LRP5: variants seen among roughly 807,000 people sequenced by gnomAD.
LRP5 encodes the protein LDL receptor related protein 5.
LRP5 carries 62 observed loss-of-function variants against 154.1 expected under a neutral mutation model. The ratio of observed to expected loss-of-function variants is 0.40; its 90% CI spans 0.33 to 0.50. The LOEUF is 0.50. LRP5 is among the 20% of genes least tolerant of loss of function. The pLI, the probability that LRP5 is intolerant of heterozygous loss-of-function variation, is 0.55. For missense variants in LRP5, 1,915 were observed against 2,336.7 expected, an observed-to-expected ratio of 0.82 and a Z score of 3.72; for synonymous variants, 966 against 1,011.5, an observed-to-expected ratio of 0.96 and a Z score of 0.85.
At chr11:68,364,356 A>ATGTGTGTGTGTGTGTG (rs201962983) in intron 4 of LRP5, among the ~76,000 whole-genome samples, 25 of 127,378 alleles carry the variant, frequency 2.0e-4, no homozygotes, top group Non-Finnish European at 3.9e-4. Context: ...ATATACATAT[A>ATGTGTGTGTGTGTGTG]TATGTGTGTG....
intron 16 of LRP5, among the ~76,000 whole-genome samples, chr11:68,427,309 C>T (rs1378433765): frequency 6.6e-6 from 1 of 152,114 alleles, no homozygotes; most frequent in African/African-American, 2.4e-5. Context: ...TCCTCCCCTC[C>T]ATGGTAACCA....
intron 1 of LRP5, among the ~76,000 whole-genome samples, chr11:68,324,300 C>T (rs537821457): frequency 6.6e-6 from 1 of 152,346 alleles, no homozygotes; most frequent in East Asian, 1.9e-4. Context: ...ATCCCCGGGA[C>T]CTAGTGGGGT....
Position 68,379,163 on chromosome 11 carries a change from C to T in LRP5, c.1016-7153C>T, listed in dbSNP as rs534675197. Reference sequence around the variant, plus strand: ...TTTCATTTATCGTTCATGCAAATTCCGACATCATTCACTCTTCTCCAGAGT... The same window carrying T: ...TTTCATTTATCGTTCATGCAAATTCTGACATCATTCACTCTTCTCCAGAGT... On this transcript the variant is annotated intron_variant, in intron 5 of 22. Transcript: ENST00000294304. Among the ~76,000 whole-genome samples the T allele has an allele frequency of 1.3e-4, 20 of 152,248 alleles. No individual in the cohort carries two copies. In the South Asian group the frequency reaches 1.7e-3, roughly 13 times the overall value.
At chr11:68,405,563 A>G (rs2098655155) in intron 8 of LRP5, among the ~76,000 whole-genome samples, 1 of 151,980 alleles carries the variant, frequency 6.6e-6, no homozygotes, top group South Asian at 2.1e-4. Context: ...TAAACCCCAG[A>G]GATAAGACAA....
At chr11:68,420,801 A>G (rs998495454) in intron 13 of LRP5, among the ~76,000 whole-genome samples, 2 of 152,148 alleles carry the variant, frequency 1.3e-5, no homozygotes, top group Non-Finnish European at 2.9e-5. Flanking sequence ...GTTGTCGTGA[A>G]TAAGGCCACT....
Position 68,416,439 on chromosome 11 carries a change from A to G in LRP5, c.2939A>G (p.Lys980Arg), listed in dbSNP as rs2098662588. 2 of 1,614,170 alleles carry G rather than the reference A, an allele frequency of 1.2e-6. No individual in the cohort carries two copies. Among genetic ancestry groups the G allele is most frequent in the Non-Finnish European group, 1.7e-6 (2 of 1,180,020 alleles). ...ILPLHGLRNV[K>R]AIDYDPLDKF... ...CCCCTGCATGGACTGAGGAACGTCA[A>G]AGCCATCGACTATGACCCACTGGAC... Residue 980 changes from lysine to arginine, a missense_variant, in exon 13 of 23, where the codon AAA (lysine) becomes AGA (arginine). Physicochemically the swap from Lys to Arg is conservative, Grantham distance 26. Transcript: ENST00000294304.
At chr11:68,349,636 C>T (rs1182522738) in intron 2 of LRP5, among the ~76,000 whole-genome samples, 3 of 152,154 alleles carry the variant, frequency 2.0e-5, no homozygotes, top group South Asian at 4.1e-4. Flanking sequence ...AGGCTCAGGG[C>T]CTGGCCGTGA....
rs2098669896 is a variant in LRP5, at chr11:68,428,109, C to T, written c.3638-1466C>T. Reference sequence around the variant, plus strand: ...CCAGGTTCAAGTGATTCTCCTACCTCAGCCTTCCAAGTAACTGGGATTACA... The same window carrying T: ...CCAGGTTCAAGTGATTCTCCTACCTTAGCCTTCCAAGTAACTGGGATTACA... On this transcript the variant is annotated intron_variant, in intron 16 of 22. Coordinates refer to ENST00000294304, the MANE Select transcript of LRP5 (RefSeq NM_002335.4). Among the ~76,000 whole-genome samples the T allele has an allele frequency of 2.0e-5, 3 of 151,850 alleles. No homozygotes were observed. In the South Asian group the frequency reaches 6.2e-4, roughly 32 times the overall value.
chr11:68,445,812 C>T (rs578164258), intron 21 of LRP5: 23 of 497,846 alleles, frequency 4.6e-5, no homozygotes, highest in Non-Finnish European at 6.9e-5. Context: ...TTACTATCCC[C>T]GCTTTGGGGC....
intron 18 of LRP5, among the ~76,000 whole-genome samples, chr11:68,435,887 G>A (rs977251625): frequency 2.0e-5 from 3 of 152,056 alleles, no homozygotes; most frequent in African/African-American, 7.2e-5. Context: ...CACCACACCC[G>A]GCTAATTTTT....
chr11:68,440,840 C>T (rs1183395856), intron 21 of LRP5, among the ~76,000 whole-genome samples: 1 of 151,978 alleles, frequency 6.6e-6, no homozygotes, highest in Non-Finnish European at 1.5e-5. Context: ...GATCTCTAGG[C>T]TCACCGCAAC....
At chr11:68,374,553 C>T (rs142290130) in intron 5 of LRP5, among the ~76,000 whole-genome samples, 6 of 152,274 alleles carry the variant, frequency 3.9e-5, no homozygotes, top group East Asian at 3.9e-4. Flanking sequence ...GGCAATAAAA[C>T]GCACACATTT....
chr11:68,381,731 A>G (rs902057686), intron 5 of LRP5, among the ~76,000 whole-genome samples: 8 of 152,232 alleles, frequency 5.3e-5, no homozygotes, highest in African/African-American at 1.7e-4. Flanking sequence ...ATAAATTCCT[A>G]CCAAGACTCT....
At chr11:68,411,311 G>T (rs78943283) in intron 10 of LRP5, 125 bp from the exon 11 acceptor site, 1 of 987,584 alleles carries the variant, frequency 1.0e-6, no homozygotes, top group Non-Finnish European at 1.5e-6. Flanking sequence ...CTTCCTGCGC[G>T]TGGCTTTCTC....
At chr11:68,375,612 TC>T (rs1211228941) in intron 5 of LRP5, among the ~76,000 whole-genome samples, 1 of 152,174 alleles carries the variant, frequency 6.6e-6, no homozygotes, top group Non-Finnish European at 1.5e-5. Flanking sequence ...GGGAGCTTCT[TC>T]CTCTTCCTGT....
the LRP5 span, among the ~76,000 whole-genome samples, chr11:68,298,774 G>T: frequency 6.6e-6 from 1 of 152,072 alleles, no homozygotes; most frequent in South Asian, 2.1e-4. Context: ...TCCCACGCTT[G>T]CCCTCAGCCA....
chr11:68,312,401 C>A (rs1021638063), upstream of LRP5, among the ~76,000 whole-genome samples: 1 of 150,932 alleles, frequency 6.6e-6, no homozygotes, highest in Non-Finnish European at 1.5e-5. Context: ...CCCGGAGGCA[C>A]CTCCAGGGCA....
rs150134213 is a variant in LRP5 at position 68,369,304 on chromosome 11, G to A, written c.1015+3602G>A. Reference sequence around the variant, plus strand: ...CTGGCCACTGGAGTTAGAGGGAGCAGGGCCTGGTGTCTGTTGCCACCATCG... The same window carrying A: ...CTGGCCACTGGAGTTAGAGGGAGCAAGGCCTGGTGTCTGTTGCCACCATCG... On this transcript the variant is annotated intron_variant, in intron 5 of 22. Transcript: ENST00000294304. Among the ~76,000 whole-genome samples, 103 of 152,300 alleles carry A rather than the reference G, an allele frequency of 6.8e-4. 1 individual carries two copies. The highest frequency in any genetic ancestry group is 2.4e-3 in the African/African-American group (101 of 41,546).
intron 1 of LRP5, among the ~76,000 whole-genome samples, chr11:68,313,278 TG>T (rs2098590105): frequency 6.6e-6 from 1 of 151,700 alleles, no homozygotes; most frequent in African/African-American, 2.4e-5. Flanking sequence ...GAGAAAGTTC[TG>T]AGCCCGGGCG....
Sources: allele counts gnomAD v4.1 joint callset (sites outside exome capture counted in the v4.1 genomes callset), GRCh38; gene constraint gnomAD v4.1.1; transcripts MANE v1.5; gene names NCBI Gene and HGNC (gene_info 2026-07-23, HGNC 2026-07-21).